Variants in AHSG observed in about 807,000 individuals in gnomAD.
AHSG encodes alpha-2-HS-glycoprotein.
A neutral mutation model predicts 30.1 loss-of-function variants in AHSG; 23 were observed. The ratio of observed to expected loss-of-function variants is 0.76; its 90% CI spans 0.55 to 1.08. AHSG has a LOEUF of 1.08. AHSG is among the 50% of genes least tolerant of loss of function. The pLI is 0.00. For synonymous variants in AHSG, 164 were observed against 186.3 expected (o/e 0.88, Z 0.98); for missense variants, 469 against 459.5 (o/e 1.02, Z -0.19).
At chr3:186,620,501 TG>T in intron 6 of AHSG, 84 bp from the exon 7 acceptor site, 2 of 1,131,176 alleles carry the variant, frequency 1.8e-6, no homozygotes, top group Non-Finnish European at 2.6e-6. Flanking sequence ...GTGAGGAAAT[TG>T]GGTGCCAGTG....
intron 1 of AHSG, among the ~76,000 whole-genome samples, chr3:186,615,120 G>C (rs1353538674): frequency 6.6e-6 from 1 of 151,530 alleles, no homozygotes; most frequent in East Asian, 1.9e-4. Context: ...AAGGACAACA[G>C]CAGCAAAAAC....
At chr3:186,616,290 CGTT>C (rs1277264858) in intron 2 of AHSG, among the ~76,000 whole-genome samples, 150 bp from the exon 3 acceptor site, 1 of 152,156 alleles carries the variant, frequency 6.6e-6, no homozygotes, top group African/African-American at 2.4e-5. Flanking sequence ...TTAACTATAT[CGTT>C]GTATCCCTGA....
At chr3:186,616,226 T>G (rs1716299921) in intron 2 of AHSG, among the ~76,000 whole-genome samples, 1 of 152,170 alleles carries the variant, frequency 6.6e-6, no homozygotes, top group African/African-American at 2.4e-5. Context: ...ATCATCATCA[T>G]AAATAAAATT....
At chr3:186,616,214 T>A (rs1716298866) in intron 2 of AHSG, among the ~76,000 whole-genome samples, 1 of 152,120 alleles carries the variant, frequency 6.6e-6, no homozygotes, top group African/African-American at 2.4e-5. Flanking sequence ...ATAATAATAA[T>A]AATCATCATC....
At chr3:186,615,550 C>A in intron 1 of AHSG, 135 bp from the exon 2 acceptor site, 1 of 675,922 alleles carries the variant, frequency 1.5e-6, no homozygotes. Context: ...GAGTTGCAGA[C>A]TGACAGTAAG....
In AHSG at chr3:186,615,775, G is replaced by C. The variant is rs750328046; in HGVS notation, c.304G>C (p.Val102Leu). ...CCCCACCCCTGTGGCAAGATGCAGC[G>C]TGAGGCAGCTGAAGGAGCATGTGAG... ...LDPTPVARCS[V>L]RQLKEHAVEG... The change falls in exon 2 of 7, where the codon GTG becomes CTG. Residue 102 changes from valine (V) to leucine (L), a missense_variant. Physicochemically the swap from Val to Leu is conservative, Grantham distance 32. Coordinates refer to ENST00000411641, the MANE Select transcript of AHSG (RefSeq NM_001622.4). 2.5e-6 allele frequency: 4 copies of C among 1,614,132 alleles called. No individual in the cohort carries two copies. The highest frequency in any genetic ancestry group is 3.3e-5 in the Admixed American group (2 of 60,018).
intron 1 of AHSG, among the ~76,000 whole-genome samples, chr3:186,615,482 C>T (rs1716267936): frequency 6.6e-6 from 1 of 152,196 alleles, no homozygotes; most frequent in Non-Finnish European, 1.5e-5. Flanking sequence ...AATCAACAGA[C>T]GAAGACCAGA....
chr3:186,620,579 T>C lies in AHSG; in HGVS notation c.760-7T>C, dbSNP rs1560011359. Reference sequence around the variant, plus strand: ...AAACTAACTGAAGGAAATGGTCCTTTTTCCAGCCCGTGAGCTCACAGCCCC... The same window carrying C: ...AAACTAACTGAAGGAAATGGTCCTTCTTCCAGCCCGTGAGCTCACAGCCCC... On this transcript the variant is annotated splice_polypyrimidine_tract_variant and splice_region_variant and intron_variant, in intron 6 of 6. Coordinates refer to ENST00000411641, the MANE Select transcript of AHSG (RefSeq NM_001622.4). The C allele has an allele frequency of 4.4e-6, 7 of 1,584,834 alleles. No individual in the cohort carries two copies. Among genetic ancestry groups the C allele is most frequent in the Non-Finnish European group, 6.0e-6 (7 of 1,159,700 alleles).
rs141102051 is a variant in AHSG, at chr3:186,613,340, A to G, written c.199A>G (p.Lys67Glu). 1.1e-4 allele frequency: 179 copies of G among 1,613,442 alleles called. No individual in the cohort carries two copies. The African/African-American group carries it at 2.1e-3, about 19-fold the overall frequency. Residue 67 changes from lysine to glutamate, a missense_variant, in exon 1 of 7, where the codon AAG becomes GAG. Coordinates refer to ENST00000411641, the MANE Select transcript of AHSG (RefSeq NM_001622.4). ...KHTLNQIDEV[K>E]VWPQQPSGEL... ...CACCTTGAACCAGATTGATGAAGTA[A>G]AGGTGTGGCCTCAGGTAAGTGGACC...
intron 3 of AHSG, 115 bp from the exon 4 acceptor site, chr3:186,617,072 C>T: frequency 6.6e-7 from 1 of 1,510,428 alleles, no homozygotes. Context: ...TAGTAAGAAG[C>T]AGAGAAAGTG....
chr3:186,620,908 G>T lies in AHSG; in HGVS notation c.1082G>T (p.Arg361Met). Reference protein sequence around the residue: ...AGPVVPPCPGRIRHFKV With the variant: ...AGPVVPPCPGMIRHFKV ...CCAGTGGTTCCTCCATGTCCGGGGA[G>T]GATCAGACACTTCAAGGTCTAGGCT... Residue 361 changes from arginine (R) to methionine (M), a missense_variant, in exon 7 of 7, where the codon AGG becomes ATG. By Grantham distance (91) the Arg-to-Met change is moderately conservative. Coordinates refer to ENST00000411641, the MANE Select transcript of AHSG (RefSeq NM_001622.4). 6.2e-7 allele frequency: 1 copy of T among 1,613,516 alleles called. No individual in the cohort carries two copies. Among genetic ancestry groups the T allele is most frequent in the Non-Finnish European group, 8.5e-7 (1 of 1,179,592 alleles).
At chr3:186,615,888 G>T in intron 2 of AHSG, 93 bp downstream of exon 2, 3 of 1,179,312 alleles carry the variant, frequency 2.5e-6, no homozygotes, top group South Asian at 1.3e-5. Context: ...GCTAGCCAGG[G>T]TGCAGTTTCT....
At position 186,620,658 on chromosome 3, in the gene AHSG, C is replaced by T. The variant is rs1233480935; in HGVS notation, c.832C>T (p.Pro278Ser). The change falls in exon 7 of 7, where the codon CCT (proline) becomes TCT (serine). Residue 278 changes from proline to serine, a missense_variant. Transcript: ENST00000411641. ...VPTPVVDPDA[P>S]PSPPLGAPGL... ...CACACCCGTGGTGGACCCAGATGCA[C>T]CTCCGTCCCCTCCACTTGGCGCACC... 1 of 1,614,152 alleles carries T rather than the reference C, an allele frequency of 6.2e-7. No homozygotes were observed. Among genetic ancestry groups the T allele is most frequent in the Admixed American group, 1.7e-5 (1 of 60,028 alleles).
intron 4 of AHSG, among the ~76,000 whole-genome samples, 177 bp from the exon 5 acceptor site, chr3:186,618,359 G>A (rs1464821427): frequency 6.6e-6 from 1 of 152,208 alleles, no homozygotes; most frequent in Admixed American, 6.5e-5. Flanking sequence ...ACAAGCACTT[G>A]AGAACACAAC....
intron 2 of AHSG, among the ~76,000 whole-genome samples, chr3:186,616,023 C>T (rs1157881014): frequency 5.3e-5 from 8 of 152,164 alleles, no homozygotes; most frequent in African/African-American, 1.9e-4. Flanking sequence ...TGGTGAAACC[C>T]CATCTCTACT....
rs1716447010 is a variant in AHSG at position 186,620,495 on chromosome 3, G to A, written c.760-91G>A. ...TTGCAAATAAAAATGTATAATGTGA[G>A]GAAATTGGGTGCCAGTGCCACCTGG... is the stretch of plus-strand genomic sequence containing the variant. On this transcript the variant is annotated intron_variant, in intron 6 of 6. Transcript: ENST00000411641. 4.7e-6 allele frequency: 5 copies of A among 1,068,796 alleles called. No homozygotes were observed. The South Asian group carries it at 7.6e-5, about 16-fold the overall frequency. 66.2% of individuals were successfully genotyped at this position (1,068,796 alleles called of 1,614,324 possible).
At position 186,616,463 on chromosome 3, in the gene AHSG, T is replaced by A; in HGVS notation, c.345T>A (p.Asp115Glu). Residue 115 changes from aspartate (D) to glutamate (E), a missense_variant, in exon 3 of 7, where the codon GAT (aspartate) becomes GAA (glutamate). Coordinates refer to ENST00000411641, the MANE Select transcript of AHSG (RefSeq NM_001622.4). ...LKEHAVEGDCDFQLLKLDGKF... is the reference protein window; with the variant it reads ...LKEHAVEGDCEFQLLKLDGKF... The stretch of plus-strand genomic sequence containing the variant: ...TCCAGGCTGTCGAAGGAGACTGTGA[T>A]TTCCAGCTGTTGAAACTAGATGGCA... The A allele has an allele frequency of 6.2e-7, 1 of 1,613,504 alleles. No homozygotes were observed. The highest frequency in any genetic ancestry group is 2.2e-5 in the East Asian group (1 of 44,864).
rs1402454523 is a variant in AHSG, at chr3:186,620,967, A to T, written c.*37A>T. ...CAGAGATGAGGAGGTTTGGCACAGAAAACATAGCCACCATTTTGTCCAAGC... is the reference window on the plus strand; with the variant it reads ...CAGAGATGAGGAGGTTTGGCACAGATAACATAGCCACCATTTTGTCCAAGC... On this transcript the variant is annotated 3_prime_UTR_variant, in exon 7 of 7. Coordinates refer to ENST00000411641, the MANE Select transcript of AHSG (RefSeq NM_001622.4). 6.3e-7 allele frequency: 1 copy of T among 1,581,154 alleles called. No individual in the cohort carries two copies.
At chr3:186,619,825 A>G (rs751252833) in intron 5 of AHSG, 32 bp from the exon 6 acceptor site, 2 of 1,562,704 alleles carry the variant, frequency 1.3e-6, no homozygotes, top group Non-Finnish European at 1.7e-6. Flanking sequence ...TTTTGAAATT[A>G]GTTAAAATAA....
Sources: allele counts gnomAD v4.1 joint callset (sites outside exome capture counted in the v4.1 genomes callset), GRCh38; gene constraint gnomAD v4.1.1; transcripts MANE v1.5; gene names NCBI Gene and HGNC (gene_info 2026-07-23, HGNC 2026-07-21).